Variants in TRAPPC9 observed in about 807,000 individuals in gnomAD.
TRAPPC9 encodes IKK2 binding protein.
Under a neutral mutation model 124.0 loss-of-function variants are expected in TRAPPC9, and 83 were observed. The ratio of observed to expected loss-of-function variants is 0.67; its 90% CI spans 0.56 to 0.80. The LOEUF is 0.80. TRAPPC9 is among the 30% of genes least tolerant of loss of function. TRAPPC9 has a pLI of 0.00. For missense variants in TRAPPC9, 1,302 were observed against 1,508.3 expected (o/e 0.86, Z 2.27); for synonymous variants, 638 against 617.5 (o/e 1.03, Z -0.49).
At chr8:140,070,990 G>A (rs1843132295) in intron 17 of TRAPPC9, among the ~76,000 whole-genome samples, 1 of 152,224 alleles carries the variant, frequency 6.6e-6, no homozygotes, top group South Asian at 2.1e-4. Flanking sequence ...CAGAAGCAAC[G>A]GGAGCAGGAC....
At chr8:140,077,871 G>T (rs941837404) in intron 17 of TRAPPC9, among the ~76,000 whole-genome samples, 1 of 152,186 alleles carries the variant, frequency 6.6e-6, no homozygotes, top group African/African-American at 2.4e-5. Context: ...AGATGGAAAA[G>T]GCTGCGTGGC....
chr8:139,766,907 G>C (rs11166925), intron 21 of TRAPPC9, among the ~76,000 whole-genome samples: 7,487 of 152,324 alleles, frequency 0.049, 228 homozygotes, highest in South Asian at 0.12. Flanking sequence ...CAGACCTGTG[G>C]CTACAGCACT....
chr8:140,360,144 C>T lies in TRAPPC9; in HGVS notation c.1401G>A (p.Leu467=). The T allele has an allele frequency of 6.2e-7, 1 of 1,614,200 alleles. No individual in the cohort carries two copies. Among genetic ancestry groups the T allele is most frequent in the Non-Finnish European group, 8.5e-7 (1 of 1,180,042 alleles). ...AAVQMRLLHE[L]VYASRRMGNP... is the part of the protein sequence containing the mutation. ...TCCCCATCCTTCGGGAGGCGTAGAC[C>T]AATTCATGGAGCAAACGCATCTGGA... Residue 467 remains leucine, a synonymous_variant, in exon 9 of 23, where the codon TTG becomes TTA. Transcript: ENST00000438773.
chr8:139,739,400 G>A (rs543958799), intron 21 of TRAPPC9, among the ~76,000 whole-genome samples: 3 of 152,328 alleles, frequency 2.0e-5, no homozygotes, highest in South Asian at 2.1e-4. Context: ...TGCCTGGCCC[G>A]TGGCTTCTGT....
At chr8:140,198,164 G>C (rs2062710803) in intron 17 of TRAPPC9, among the ~76,000 whole-genome samples, 1 of 152,176 alleles carries the variant, frequency 6.6e-6, no homozygotes, top group African/African-American at 2.4e-5. Context: ...CCTCCAAGCT[G>C]TCCTTGTTCA....
At chr8:140,174,551 A>G (rs996191542) in intron 17 of TRAPPC9, among the ~76,000 whole-genome samples, 1 of 152,188 alleles carries the variant, frequency 6.6e-6, no homozygotes, top group Non-Finnish European at 1.5e-5. Flanking sequence ...TGTACCCATT[A>G]GCAGTCACTC....
chr8:139,980,439 A>G (rs1437387759), intron 19 of TRAPPC9, among the ~76,000 whole-genome samples: 1 of 152,184 alleles, frequency 6.6e-6, no homozygotes, highest in Non-Finnish European at 1.5e-5. Context: ...AGAAGGAAAC[A>G]AAAGTCCCGG....
intron 16 of TRAPPC9, among the ~76,000 whole-genome samples, chr8:140,240,211 C>T (rs528335471): frequency 6.6e-6 from 1 of 151,812 alleles, no homozygotes. Flanking sequence ...GTTTGTCTTT[C>T]GCCTGATAAA....
At chr8:140,282,087 C>T (rs953641649) in intron 14 of TRAPPC9, among the ~76,000 whole-genome samples, 1 of 152,198 alleles carries the variant, frequency 6.6e-6, no homozygotes, top group Non-Finnish European at 1.5e-5. Context: ...AGCACAGCAA[C>T]TGGCAAATGA....
intron 21 of TRAPPC9, among the ~76,000 whole-genome samples, chr8:139,844,894 A>G (rs10094014): frequency 0.26 from 39,087 of 152,090 alleles, 5,738 homozygotes; most frequent in East Asian, 0.66. Context: ...CTTGGCCTGA[A>G]GGCCTCAGCC....
In TRAPPC9 at chr8:140,063,697, T is replaced by A. The variant is rs1429388770; in HGVS notation, c.2557-39618A>T. Among the ~76,000 whole-genome samples, 2 of 152,238 alleles carry A rather than the reference T, an allele frequency of 1.3e-5. No homozygotes were observed. Among genetic ancestry groups the A allele is most frequent in the Non-Finnish European group, 2.9e-5 (2 of 68,050 alleles). Reference sequence around the variant, plus strand: ...TTATTTCGGCAGGATGCTGAACTAATACTAACTAGAAATATTTCTGCTTTT... The same window carrying A: ...TTATTTCGGCAGGATGCTGAACTAAAACTAACTAGAAATATTTCTGCTTTT... On this transcript the variant is annotated intron_variant, in intron 17 of 22. Transcript: ENST00000438773. This position sits in a 1 kb window ranked among gnomAD's most constrained non-coding sequence, Gnocchi z 4.3.
intron 11 of TRAPPC9, among the ~76,000 whole-genome samples, chr8:140,299,219 C>A (rs2065896366): frequency 6.6e-6 from 1 of 152,162 alleles, no homozygotes; most frequent in Admixed American, 6.5e-5. Flanking sequence ...TTTCCACGAC[C>A]AGAAAGGAGT....
At chr8:140,130,620 C>G (rs78729884) in intron 17 of TRAPPC9, among the ~76,000 whole-genome samples, 7,859 of 152,266 alleles carry the variant, frequency 0.052, 312 homozygotes, top group African/African-American at 0.11. Context: ...ACCCCTTCAT[C>G]TAAAAGCCAC....
At chr8:140,230,740 C>CA (rs2063571730) in intron 16 of TRAPPC9, among the ~76,000 whole-genome samples, 1 of 151,842 alleles carries the variant, frequency 6.6e-6, no homozygotes, top group Admixed American at 6.6e-5. Flanking sequence ...CGCCACTGTG[C>CA]ACTCCAGCCT....
chr8:139,961,419 C>T (rs1835366447), intron 19 of TRAPPC9, among the ~76,000 whole-genome samples: 1 of 123,818 alleles, frequency 8.1e-6, no homozygotes, highest in African/African-American at 2.6e-5. Context: ...CAAACCACCA[C>T]CCAAACCATA....
Position 140,063,751 on chromosome 8 carries a change from C to T in TRAPPC9, c.2557-39672G>A, listed in dbSNP as rs1051293521. 2.6e-5 allele frequency among the ~76,000 whole-genome samples: 4 copies of T among 152,210 alleles called. No individual in the cohort carries two copies. The highest frequency in any genetic ancestry group is 6.5e-5 in the Admixed American group (1 of 15,296). On this transcript the variant is annotated intron_variant, in intron 17 of 22. Coordinates refer to ENST00000438773, the MANE Select transcript of TRAPPC9 (RefSeq NM_001160372.4). The surrounding 1 kb of genome is among the most constrained non-coding windows in gnomAD (Gnocchi z 4.3). ...GAATTGCTCTGTGTTTCCTTAAGAGCGGGACTTGCGGGCGGGGTATGCATC... is the reference window on the plus strand; with the variant it reads ...GAATTGCTCTGTGTTTCCTTAAGAGTGGGACTTGCGGGCGGGGTATGCATC...
intron 21 of TRAPPC9, among the ~76,000 whole-genome samples, chr8:139,787,396 C>T (rs2130572844): frequency 6.6e-6 from 1 of 152,202 alleles, no homozygotes; most frequent in South Asian, 2.1e-4. Context: ...CTGTCGCCAC[C>T]CTTTAAGGAT....
At chr8:140,184,554 G>A (rs371777447) in intron 17 of TRAPPC9, among the ~76,000 whole-genome samples, 2 of 152,122 alleles carry the variant, frequency 1.3e-5, no homozygotes, top group Admixed American at 1.3e-4. Flanking sequence ...TCCTGCCTCA[G>A]CCTCCCGAAC....
At chr8:140,263,858 A>G (rs2064518596) in intron 15 of TRAPPC9, among the ~76,000 whole-genome samples, 1 of 152,182 alleles carries the variant, frequency 6.6e-6, no homozygotes, top group Admixed American at 6.5e-5. Flanking sequence ...TGGCCTGGCT[A>G]CCCGGAGCCG....
Sources: gnomAD v4.1 joint callset for allele counts (sites outside exome capture counted in the v4.1 genomes callset) on GRCh38, gnomAD v4.1.1 for gene constraint, Gnocchi (gnomAD v3.1) non-coding constraint, MANE v1.5 for transcripts, NCBI Gene and HGNC (gene_info 2026-07-23, HGNC 2026-07-21) for gene names.